Variants in RGS21 observed in about 807,000 individuals in gnomAD.
The protein encoded by RGS21 is regulator of G protein signaling 21.
Under a neutral mutation model 18.7 loss-of-function variants are expected in RGS21, and 19 were observed. The observed-to-expected ratio is 1.01, with a 90% confidence interval of 0.71 to 1.49. The LOEUF is 1.49. Among genes scored for constraint, RGS21 ranks in the 40% most tolerant of loss-of-function variants. The pLI, the probability that RGS21 is intolerant of heterozygous loss-of-function variation, is 0.00. For synonymous variants in RGS21, 56 were observed against 57.8 expected (o/e 0.97, Z 0.14); for missense variants, 194 against 176.8 (o/e 1.10, Z -0.55).
chr1:192,342,309 A>G (rs1291291870), intron 1 of RGS21, among the ~76,000 whole-genome samples: 1 of 152,120 alleles, frequency 6.6e-6, no homozygotes, highest in Non-Finnish European at 1.5e-5. Flanking sequence ...AAAATTGCCA[A>G]TATATGGTCT....
At chr1:192,357,553 T>C (rs188166977) in intron 4 of RGS21, among the ~76,000 whole-genome samples, 1 of 152,000 alleles carries the variant, frequency 6.6e-6, no homozygotes, top group East Asian at 1.9e-4. Flanking sequence ...TTCATTCACA[T>C]TTTAAGGTGA....
At chr1:192,323,656 C>T (rs573899034) in intron 1 of RGS21, among the ~76,000 whole-genome samples, 42 of 151,992 alleles carry the variant, frequency 2.8e-4, no homozygotes, top group Non-Finnish European at 4.9e-4. Context: ...GATGCTTAGA[C>T]GCTTATGGAG....
intron 1 of RGS21, among the ~76,000 whole-genome samples, chr1:192,334,421 G>T (rs945143303): frequency 6.6e-6 from 1 of 151,890 alleles, no homozygotes. Context: ...TTCTATATTG[G>T]GATTCTATAC....
At chr1:192,344,351 C>A (rs1658916652) in intron 2 of RGS21, among the ~76,000 whole-genome samples, 1 of 152,074 alleles carries the variant, frequency 6.6e-6, no homozygotes, top group South Asian at 2.1e-4. Flanking sequence ...TTAAAGCAGA[C>A]AAACTTGTGT....
intron 1 of RGS21, among the ~76,000 whole-genome samples, chr1:192,335,504 T>C (rs1007861399): frequency 2.0e-5 from 3 of 152,208 alleles, no homozygotes; most frequent in African/African-American, 7.2e-5. Flanking sequence ...TCCATTTCAT[T>C]TATTCTTTTT....
chr1:192,334,589 T>C (rs1658737956), intron 1 of RGS21, among the ~76,000 whole-genome samples: 1 of 152,080 alleles, frequency 6.6e-6, no homozygotes, highest in African/African-American at 2.4e-5. Context: ...TTGTAATATA[T>C]GTAAGAAACT....
intron 1 of RGS21, among the ~76,000 whole-genome samples, chr1:192,324,346 T>A (rs1658536736): frequency 6.6e-6 from 1 of 152,096 alleles, no homozygotes; most frequent in Admixed American, 6.6e-5. Context: ...ACATATAATT[T>A]TTCCTTGTTT....
intron 4 of RGS21, among the ~76,000 whole-genome samples, chr1:192,361,344 C>G (rs745583693): frequency 2.0e-5 from 3 of 151,878 alleles, no homozygotes; most frequent in Non-Finnish European, 4.4e-5. Context: ...ATATGCTCTG[C>G]TTATATTTTT....
intron 3 of RGS21, among the ~76,000 whole-genome samples, chr1:192,351,213 A>G (rs541369576): frequency 1.1e-3 from 168 of 152,020 alleles, no homozygotes; most frequent in African/African-American, 3.9e-3. Context: ...TCGGAGAAAA[A>G]CCCTATGTAT....
chr1:192,364,495 C>G (rs1187619973), intron 4 of RGS21, among the ~76,000 whole-genome samples: 1 of 152,030 alleles, frequency 6.6e-6, no homozygotes, highest in African/African-American at 2.4e-5. Context: ...TATTACTATT[C>G]TCTTTCACAC....
chr1:192,330,130 T>C (rs1027815209), intron 1 of RGS21, among the ~76,000 whole-genome samples: 7 of 152,128 alleles, frequency 4.6e-5, no homozygotes, highest in Admixed American at 4.6e-4. Flanking sequence ...GAATAAGAAG[T>C]CTAAAAGGAG....
chr1:192,327,554 C>A (rs1052385167), intron 1 of RGS21, among the ~76,000 whole-genome samples: 6 of 151,776 alleles, frequency 4.0e-5, no homozygotes, highest in South Asian at 2.1e-4. Context: ...CTCACTGCAA[C>A]CTTCACCTCC....
chr1:192,366,715 T>C lies in RGS21; in HGVS notation c.*591T>C, dbSNP rs759203252. On this transcript the variant is annotated 3_prime_UTR_variant, in exon 5 of 5. Transcript: ENST00000417209. ...ATGGACCAAAGTTTTTCAAAATATA[T>C]CACTTGGCTCAATTCAATGGCATCA... 2 of 152,040 alleles carry C rather than the reference T, an allele frequency of 1.3e-5. No individual in the cohort carries two copies. Among genetic ancestry groups the C allele is most frequent in the Non-Finnish European group, 2.9e-5 (2 of 67,984 alleles). 9.4% of individuals were successfully genotyped at this position (152,040 alleles called of 1,614,324 possible).
chr1:192,338,083 A>G (rs1658799424), intron 1 of RGS21, among the ~76,000 whole-genome samples: 3 of 152,184 alleles, frequency 2.0e-5, no homozygotes, highest in African/African-American at 7.2e-5. Context: ...AAGCATACTA[A>G]GAACTATACA....
At chr1:192,336,464 T>TAAATA (rs911362350) in intron 1 of RGS21, among the ~76,000 whole-genome samples, 8 of 151,842 alleles carry the variant, frequency 5.3e-5, no homozygotes, top group African/African-American at 1.9e-4. Flanking sequence ...AAAAAATAAA[T>TAAATA]AAATAAAATA....
intron 4 of RGS21, among the ~76,000 whole-genome samples, chr1:192,365,072 G>T (rs911845840): frequency 9.2e-5 from 14 of 151,412 alleles, no homozygotes; most frequent in Non-Finnish European, 1.9e-4. Context: ...GAAGGCAAAG[G>T]TTGCAGTGAG....
chr1:192,320,222 C>T lies in RGS21; in HGVS notation c.-61+3117C>T, dbSNP rs556216373. ...TATCTGGGTGAAATAATCTGTTCAA[C>T]AAACCCCCATGACATAAGTTCAACT... On this transcript the variant is annotated intron_variant, in intron 1 of 4. Transcript: ENST00000417209. Among the ~76,000 whole-genome samples the T allele has an allele frequency of 1.7e-4, 26 of 152,118 alleles. No homozygotes were observed. The South Asian group carries it at 4.6e-3, about 27-fold the overall frequency.
chr1:192,364,355 G>A (rs1470069560), intron 4 of RGS21, among the ~76,000 whole-genome samples: 2 of 152,136 alleles, frequency 1.3e-5, no homozygotes, highest in African/African-American at 4.8e-5. Context: ...AAAGATCTAT[G>A]AGCAAATAGT....
At chr1:192,340,281 A>G (rs1356947726) in intron 1 of RGS21, among the ~76,000 whole-genome samples, 1 of 152,176 alleles carries the variant, frequency 6.6e-6, no homozygotes, top group Non-Finnish European at 1.5e-5. Flanking sequence ...GAAAGGAAAC[A>G]AAATAAATAA....
Sources: gnomAD v4.1 joint callset for allele counts (sites outside exome capture counted in the v4.1 genomes callset) on GRCh38, gnomAD v4.1.1 for gene constraint, MANE v1.5 for transcripts, NCBI Gene and HGNC (gene_info 2026-07-23, HGNC 2026-07-21) for gene names.